PTPRN2: variants seen among roughly 807,000 people sequenced by gnomAD.
PTPRN2 encodes the protein protein tyrosine phosphatase receptor type N2, also known as receptor-type tyrosine-protein phosphatase N2.
PTPRN2 carries 74 observed loss-of-function variants against 118.8 expected under a neutral mutation model. The observed-to-expected ratio is 0.62, with a 90% CI of 0.52 to 0.76. PTPRN2 has a LOEUF of 0.76. Ranked by LOEUF, PTPRN2 falls within the 30% of genes least tolerant of loss-of-function variation. The probability of loss-of-function intolerance (pLI) is 0.00; values close to 1 mark genes in which losing one functional copy is unlikely to be tolerated. For missense variants in PTPRN2, 1,481 were observed against 1,394.4 expected, an observed-to-expected ratio of 1.06 and a Z score of -0.99; for synonymous variants, 641 against 608.0, an observed-to-expected ratio of 1.05 and a Z score of -0.80.
rs189451356 is a variant in PTPRN2 at position 158,175,202 on chromosome 7, G to A, written c.550-7911C>T. On this transcript the variant is annotated intron_variant, in intron 5 of 22. Coordinates refer to ENST00000389418, the MANE Select transcript of PTPRN2 (RefSeq NM_002847.5). Reference sequence around the variant, plus strand: ...ACGTTTTCTCCCTGTCTCACTGCCCGCCGGCAGCACTGACAGGCACCTTGA... The same window carrying A: ...ACGTTTTCTCCCTGTCTCACTGCCCACCGGCAGCACTGACAGGCACCTTGA... 8.5e-5 allele frequency among the ~76,000 whole-genome samples: 13 copies of A among 152,308 alleles called. No individual in the cohort carries two copies. The East Asian group carries it at 9.7e-4, about 11-fold the overall frequency.
At chr7:158,531,714 G>T (rs1013796317) in intron 1 of PTPRN2, among the ~76,000 whole-genome samples, 13 of 152,228 alleles carry the variant, frequency 8.5e-5, no homozygotes, top group Non-Finnish European at 1.6e-4. Flanking sequence ...AGAGAAAAAG[G>T]TTAAGAAATC....
intron 9 of PTPRN2, among the ~76,000 whole-genome samples, chr7:158,133,359 G>A (rs890564543): frequency 1.1e-4 from 17 of 152,140 alleles, no homozygotes; most frequent in South Asian, 4.1e-4. Context: ...ATTCTGACCC[G>A]CAGAGAGGCG....
intron 19 of PTPRN2, among the ~76,000 whole-genome samples, chr7:157,573,728 C>T (rs998769941): frequency 2.0e-5 from 3 of 152,188 alleles, no homozygotes; most frequent in South Asian, 4.1e-4. Flanking sequence ...TTTGTGGCTA[C>T]GATGGCCTCA....
At chr7:158,439,156 C>T (rs1816792709) in intron 2 of PTPRN2, among the ~76,000 whole-genome samples, 1 of 152,184 alleles carries the variant, frequency 6.6e-6, no homozygotes, top group African/African-American at 2.4e-5. Flanking sequence ...CAAAGTATGT[C>T]TTACACATAT....
intron 1 of PTPRN2, among the ~76,000 whole-genome samples, chr7:158,550,850 TGAA>T (rs1826605908): frequency 6.6e-6 from 1 of 152,168 alleles, no homozygotes; most frequent in Non-Finnish European, 1.5e-5. Context: ...GGAGATGTCG[TGAA>T]GCTTTTTTAA....
rs1015200678 is a variant in PTPRN2 at position 157,671,775 on chromosome 7, C to A, written c.2001+10950G>T. On this transcript the variant is annotated intron_variant, in intron 13 of 22. Coordinates refer to ENST00000389418, the MANE Select transcript of PTPRN2 (RefSeq NM_002847.5). This position sits in a 1 kb window ranked among gnomAD's most constrained non-coding sequence, Gnocchi z 4.1. The stretch of plus-strand genomic sequence containing the variant: ...AAAACTGATCTGAGTGACACCTGAA[C>A]TGCACAAGGCCTGAAGGACGCCCTG... Among the ~76,000 whole-genome samples, 1 of 152,128 alleles carries A rather than the reference C, an allele frequency of 6.6e-6. No individual in the cohort carries two copies. The highest frequency in any genetic ancestry group is 1.5e-5 in the Non-Finnish European group (1 of 68,024).
intron 3 of PTPRN2, 23 bp from the exon 4 acceptor site, chr7:158,205,296 T>C: frequency 6.4e-7 from 1 of 1,570,890 alleles, no homozygotes; most frequent in Non-Finnish European, 8.8e-7. Flanking sequence ...ATTGCAAAAA[T>C]TATGTCATCA....
intron 2 of PTPRN2, among the ~76,000 whole-genome samples, chr7:158,330,549 C>G (rs1164577295): frequency 1.1e-4 from 6 of 56,478 alleles, no homozygotes; most frequent in East Asian, 4.9e-4. Context: ...CACCCGCAGA[C>G]GTCACTCACA....
At chr7:158,297,401 GAC>G (rs1800578290) in intron 3 of PTPRN2, among the ~76,000 whole-genome samples, 1 of 152,206 alleles carries the variant, frequency 6.6e-6, no homozygotes, top group African/African-American at 2.4e-5. Context: ...CCACAGTGAT[GAC>G]ACTGCAAAGT....
In PTPRN2 at chr7:157,766,836, G is replaced by A. The variant is rs571220376; in HGVS notation, c.1789-83899C>T. ...GAAACACGTCCCCTTGGCTACCTCC[G>A]TTGGGGCCTTCACCCTCTACTTGTA... is the stretch of plus-strand genomic sequence containing the variant. On this transcript the variant is annotated intron_variant, in intron 12 of 22. Coordinates refer to ENST00000389418, the MANE Select transcript of PTPRN2 (RefSeq NM_002847.5). Among the ~76,000 whole-genome samples, 9 of 152,314 alleles carry A rather than the reference G, an allele frequency of 5.9e-5. No homozygotes were observed. The East Asian group carries it at 1.4e-3, about 23-fold the overall frequency.
intron 12 of PTPRN2, among the ~76,000 whole-genome samples, chr7:157,896,379 G>A (rs1281672141): frequency 6.6e-6 from 1 of 152,236 alleles, no homozygotes; most frequent in East Asian, 1.9e-4. Context: ...GGCTCCTCCA[G>A]CGTGGGAAGA....
chr7:157,706,857 G>C lies in PTPRN2; in HGVS notation c.1789-23920C>G, dbSNP rs553910141. 4.0e-4 allele frequency among the ~76,000 whole-genome samples: 61 copies of C among 150,896 alleles called. No individual in the cohort carries two copies. The South Asian group carries it at 0.01, about 26-fold the overall frequency. ...ACATCCCTCCTGATTGCCAGCAAAT[G>C]AGCGAATCTGACCCCAGTATCTTCC... On this transcript the variant is annotated intron_variant, in intron 12 of 22. Transcript: ENST00000389418.
At chr7:157,756,965 T>C (rs1437265230) in intron 12 of PTPRN2, among the ~76,000 whole-genome samples, 2 of 152,040 alleles carry the variant, frequency 1.3e-5, no homozygotes, top group Non-Finnish European at 1.5e-5. Context: ...GCCTGGAACA[T>C]GCAGGGCCAC....
intron 13 of PTPRN2, among the ~76,000 whole-genome samples, chr7:157,661,123 C>T (rs2150754317): frequency 6.6e-6 from 1 of 152,374 alleles, no homozygotes; most frequent in African/African-American, 2.4e-5. Flanking sequence ...TGCCCAGTGG[C>T]TCAGTGCTGG....
At chr7:158,042,304 C>G (rs534582002) in intron 11 of PTPRN2, among the ~76,000 whole-genome samples, 67 of 152,294 alleles carry the variant, frequency 4.4e-4, no homozygotes, top group African/African-American at 1.6e-3. Flanking sequence ...GACTCTTCCC[C>G]AGCAGAGGGG....
At chr7:158,430,322 G>A (rs1256940848) in intron 2 of PTPRN2, among the ~76,000 whole-genome samples, 2 of 152,214 alleles carry the variant, frequency 1.3e-5, no homozygotes, top group Non-Finnish European at 2.9e-5. Flanking sequence ...ATGAGGTGAG[G>A]GAGAGCAGCC....
At position 158,093,765 on chromosome 7, in the gene PTPRN2, G is replaced by A. The variant is rs531132561; in HGVS notation, c.1644-12388C>T. On this transcript the variant is annotated intron_variant, in intron 10 of 22. Transcript: ENST00000389418. The surrounding 1 kb of genome is among the most constrained non-coding windows in gnomAD (Gnocchi z 4.4). The stretch of plus-strand genomic sequence containing the variant: ...GCACAATTGTGTATTCCTGCCTCTC[G>A]TACATGAGGCAATAACTTCCCAAAA... Among the ~76,000 whole-genome samples the A allele has an allele frequency of 7.2e-5, 11 of 152,122 alleles. No homozygotes were observed. The highest frequency in any genetic ancestry group is 1.9e-4 in the East Asian group (1 of 5,170).
chr7:157,808,814 A>C lies in PTPRN2; in HGVS notation c.1788+89859T>G, dbSNP rs1805793609. Among the ~76,000 whole-genome samples the C allele has an allele frequency of 6.6e-6, 1 of 152,170 alleles. No individual in the cohort carries two copies. The highest frequency in any genetic ancestry group is 1.5e-5 in the Non-Finnish European group (1 of 68,022). On this transcript the variant is annotated intron_variant, in intron 12 of 22. Transcript: ENST00000389418. This position sits in a 1 kb window ranked among gnomAD's most constrained non-coding sequence, Gnocchi z 5.0. ...GTCCTGGACAAACCCTGGGCCTGGA[A>C]TTGACCTTGTTGAAAACACTCTTTT...
chr7:157,584,435 AAAGAT>A (rs1415027947), intron 17 of PTPRN2, among the ~76,000 whole-genome samples: 3 of 152,286 alleles, frequency 2.0e-5, no homozygotes, highest in African/African-American at 7.2e-5. Context: ...ATGTAAAAAA[AAAGAT>A]AACCGAAAGA....
Sources: allele counts gnomAD v4.1 joint callset (sites outside exome capture counted in the v4.1 genomes callset), GRCh38; gene constraint gnomAD v4.1.1; non-coding constraint Gnocchi (gnomAD v3.1); transcripts MANE v1.5; gene names NCBI Gene and HGNC (gene_info 2026-07-23, HGNC 2026-07-21).